AK7: variants seen among roughly 807,000 people sequenced by gnomAD.
AK7 encodes the protein ATP-AMP transphosphorylase 7.
Under a neutral mutation model 96.6 loss-of-function variants are expected in AK7, and 78 were observed. That is an observed-to-expected ratio of 0.81 (90% confidence interval 0.67 to 0.97). AK7 has a LOEUF of 0.97. Ranked by LOEUF, AK7 falls within the 50% of genes least tolerant of loss-of-function variation. The probability of loss-of-function intolerance (pLI) is 0.00; values close to 1 mark genes in which losing one functional copy is unlikely to be tolerated. For synonymous variants in AK7, 302 were observed against 317.2 expected (o/e 0.95, Z 0.51); for missense variants, 855 against 887.9 (o/e 0.96, Z 0.47).
Position 96,398,228 on chromosome 14 carries a change from A to T in AK7, c.259A>T (p.Ser87Cys). The T allele has an allele frequency of 1.9e-6, 3 of 1,613,662 alleles. No homozygotes were observed. In the South Asian group the frequency reaches 3.3e-5, roughly 18 times the overall value. ...TGTGGGCACGCTGTCCAAGCCTGAC[A>T]GCCCGCGGCCTGACTTTGCGGTGGA... ...QIVGTLSKPD[S>C]PRPDFAVETY... Residue 87 changes from serine to cysteine, a missense_variant, in exon 2 of 18, where the codon AGC (serine) becomes TGC (cysteine). By Grantham distance (112) the Ser-to-Cys change is moderately radical. Coordinates refer to ENST00000267584, the MANE Select transcript of AK7 (RefSeq NM_152327.5).
At chr14:96,403,857 G>C (rs1401520824) in intron 2 of AK7, among the ~76,000 whole-genome samples, 1 of 152,040 alleles carries the variant, frequency 6.6e-6, no homozygotes. Context: ...AAAACACAAT[G>C]ATCAACAGCT....
chr14:96,473,128 C>T (rs970438806), intron 14 of AK7, among the ~76,000 whole-genome samples: 5 of 151,574 alleles, frequency 3.3e-5, no homozygotes, highest in Admixed American at 2.6e-4. Flanking sequence ...TCTTTGTTTT[C>T]CCCGGTAACT....
chr14:96,395,986 AT>A (rs1890060360), intron 1 of AK7, among the ~76,000 whole-genome samples: 1 of 151,362 alleles, frequency 6.6e-6, no homozygotes, highest in African/African-American at 2.4e-5. Flanking sequence ...TAATTTTTGT[AT>A]TTTTAGTAGA....
At chr14:96,424,729 A>G (rs1008526303) in intron 5 of AK7, among the ~76,000 whole-genome samples, 1 of 152,228 alleles carries the variant, frequency 6.6e-6, no homozygotes, top group African/African-American at 2.4e-5. Flanking sequence ...CCATTAACTT[A>G]TGACCTTAGC....
chr14:96,428,853 C>G (rs1892182348), intron 5 of AK7, among the ~76,000 whole-genome samples: 1 of 150,844 alleles, frequency 6.6e-6, no homozygotes, highest in Non-Finnish European at 1.5e-5. Context: ...TTTGTAGATT[C>G]TGGATATTAG....
At chr14:96,470,113 C>T (rs1039568060) in intron 12 of AK7, among the ~76,000 whole-genome samples, 5 of 151,642 alleles carry the variant, frequency 3.3e-5, no homozygotes, top group East Asian at 1.9e-4. Context: ...CCACCGCGCC[C>T]GCCCGGGAGA....
At chr14:96,452,693 C>A (rs1893676842) in intron 10 of AK7, among the ~76,000 whole-genome samples, 1 of 151,746 alleles carries the variant, frequency 6.6e-6, no homozygotes, top group Admixed American at 6.6e-5. Context: ...GAGTCTTGCT[C>A]CATAGCCCAG....
At chr14:96,409,321 C>G (rs1047944752) in intron 4 of AK7, among the ~76,000 whole-genome samples, 1 of 152,200 alleles carries the variant, frequency 6.6e-6, no homozygotes, top group Non-Finnish European at 1.5e-5. Context: ...GCCTGTAACC[C>G]GGCACTTTGG....
intron 15 of AK7, among the ~76,000 whole-genome samples, chr14:96,481,871 A>G (rs1381184084): frequency 2.0e-5 from 3 of 151,618 alleles, no homozygotes; most frequent in South Asian, 4.2e-4. Flanking sequence ...CACCAGGCTA[A>G]TTTTTGTATT....
rs1012937584 is a variant in AK7, at chr14:96,488,929, G to C, written c.*586G>C. ...AATCGGAGAGAACTGTAAACCTTTA[G>C]GCGGAGAAATCTGCATAACAGGATA... is the stretch of plus-strand genomic sequence containing the variant. On this transcript the variant is annotated 3_prime_UTR_variant, in exon 18 of 18. Coordinates refer to ENST00000267584, the MANE Select transcript of AK7 (RefSeq NM_152327.5). 1 of 151,594 alleles carries C rather than the reference G, an allele frequency of 6.6e-6. No homozygotes were observed. The highest frequency in any genetic ancestry group is 2.1e-4 in the South Asian group (1 of 4,810). 9.4% of individuals were successfully genotyped at this position (151,594 alleles called of 1,614,324 possible). A position where few individuals can be genotyped will look rare whatever the true frequency, so the allele number is the denominator to read the frequency against.
In AK7 at chr14:96,486,910, G is replaced by C; in HGVS notation, c.1987G>C (p.Glu663Gln). The C allele has an allele frequency of 6.2e-7, 1 of 1,613,702 alleles. No individual in the cohort carries two copies. The highest frequency in any genetic ancestry group is 8.5e-7 in the Non-Finnish European group (1 of 1,179,850). ...TATTCTATTTTAGAATAAACGACTGGAGGAAGTGAAAAGAGAAGAAAGAGA... is the reference window on the plus strand; with the variant it reads ...TATTCTATTTTAGAATAAACGACTGCAGGAAGTGAAAAGAGAAGAAAGAGA... ...ARWEEWNKRL[E>Q]EVKREERELL... The change falls in exon 17 of 18, where the codon GAG becomes CAG. Residue 663 changes from glutamate (E) to glutamine (Q), a missense_variant. Transcript: ENST00000267584.
At chr14:96,466,842 A>T (rs1894594343) in intron 12 of AK7, among the ~76,000 whole-genome samples, 1 of 152,186 alleles carries the variant, frequency 6.6e-6, no homozygotes, top group Non-Finnish European at 1.5e-5. Flanking sequence ...AAGCCTTTAG[A>T]TCACCAACTT....
intron 5 of AK7, among the ~76,000 whole-genome samples, chr14:96,423,028 A>C (rs567897229): frequency 2.0e-5 from 3 of 152,226 alleles, no homozygotes; most frequent in Non-Finnish European, 4.4e-5. Context: ...CATGAAGAGC[A>C]ATCAATTTGA....
chr14:96,475,535 T>G (rs73351151), intron 14 of AK7, among the ~76,000 whole-genome samples: 3,759 of 152,272 alleles, frequency 0.025, 153 homozygotes, highest in African/African-American at 0.086. Context: ...AGGGAAATAC[T>G]GGCTTGCTGT....
chr14:96,417,962 A>G (rs961920050), intron 4 of AK7, among the ~76,000 whole-genome samples: 2 of 152,196 alleles, frequency 1.3e-5, no homozygotes, highest in African/African-American at 2.4e-5. Flanking sequence ...ACTATGATAT[A>G]TTACAATATG....
rs1595395365 is a variant in AK7 at position 96,423,888 on chromosome 14, C to A, written c.609+2956C>A. ...TTCAGCGGCCTGTGCCTTGGGAGAC[C>A]CCGAGCCCACATAATCCGGAGAGGA... is the stretch of plus-strand genomic sequence containing the variant. On this transcript the variant is annotated intron_variant, in intron 5 of 17. Transcript: ENST00000267584. 7.2e-6 allele frequency: 7 copies of A among 969,674 alleles called. No individual in the cohort carries two copies. In the East Asian group the frequency reaches 1.5e-4, roughly 20 times the overall value. 60.1% of individuals were successfully genotyped at this position (969,674 alleles called of 1,614,324 possible).
chr14:96,433,193 T>C (rs988981497), intron 5 of AK7, among the ~76,000 whole-genome samples: 2 of 152,194 alleles, frequency 1.3e-5, no homozygotes, highest in African/African-American at 4.8e-5. Context: ...GTTCTCTGTA[T>C]TTCCTGAATT....
At chr14:96,472,893 C>G (rs1894973990) in intron 14 of AK7, 138 bp downstream of exon 14, 1 of 589,178 alleles carries the variant, frequency 1.7e-6, no homozygotes, top group African/African-American at 1.9e-5. Flanking sequence ...ACCAGCCTGG[C>G]CAACATGGCG....
Position 96,392,266 on chromosome 14 carries a change from G to T in AK7, c.105+7G>T. 1.2e-6 allele frequency: 2 copies of T among 1,601,546 alleles called. No homozygotes were observed. The highest frequency in any genetic ancestry group is 1.7e-6 in the Non-Finnish European group (2 of 1,169,654). ...CAGCGGAAACATCGGGAAGGTGAGC[G>T]GCGGCGGCGGCCCAGAGCCTCACGC... On this transcript the variant is annotated splice_region_variant and intron_variant, in intron 1 of 17. Transcript: ENST00000267584.
Sources: allele counts gnomAD v4.1 joint callset (sites outside exome capture counted in the v4.1 genomes callset), GRCh38; gene constraint gnomAD v4.1.1; transcripts MANE v1.5; gene names NCBI Gene and HGNC (gene_info 2026-07-23, HGNC 2026-07-21).